The following LXN variants were observed in gnomAD, a reference collection of about 807,000 sequenced individuals.
LXN encodes latexin.
In LXN, 28 loss-of-function variants were observed where a neutral mutation model predicts 29.8. The ratio of observed to expected loss-of-function variants is 0.94; its 90% CI spans 0.70 to 1.29. The LOEUF is 1.29. LXN is among the 50% of genes most tolerant of loss of function. The probability of loss-of-function intolerance (pLI) is 0.00; values close to 1 mark genes in which losing one functional copy is unlikely to be tolerated. For missense variants in LXN, 227 were observed against 261.7 expected (o/e 0.87, Z 0.92); for synonymous variants, 77 against 89.6 (o/e 0.86, Z 0.80).
chr3:158,672,304 C>T (rs778650531), intron 1 of LXN, 46 bp downstream of exon 1: 17 of 1,604,622 alleles, frequency 1.1e-5, no homozygotes, highest in South Asian at 5.5e-5. Flanking sequence ...GTGGAGGGAG[C>T]GCAATCCTGA....
In LXN at chr3:158,672,518, C is replaced by G. The variant is rs779142286; in HGVS notation, c.-40G>C. 3 of 1,611,140 alleles carry G rather than the reference C, an allele frequency of 1.9e-6. No individual in the cohort carries two copies. Among genetic ancestry groups the G allele is most frequent in the Non-Finnish European group, 2.5e-6 (3 of 1,178,364 alleles). On this transcript the variant is annotated 5_prime_UTR_variant, in exon 1 of 6. Transcript: ENST00000264265. ...GACTTCAGGGCTTGGGCTACTCTGG[C>G]TTAACGGGACCAGTAGCAGAGCGCC...
At chr3:158,669,357 C>T (rs1429306474) in intron 3 of LXN, 76 bp downstream of exon 3, 9 of 1,424,700 alleles carry the variant, frequency 6.3e-6, no homozygotes, top group East Asian at 4.6e-5. Context: ...TAGCAACTAA[C>T]AATTTTAAGC....
At chr3:158,669,260 G>T (rs1724030969) in intron 3 of LXN, 128 bp from the exon 4 acceptor site, 2 of 1,221,720 alleles carry the variant, frequency 1.6e-6, no homozygotes, top group Non-Finnish European at 1.1e-6. Context: ...TTAAGCTATG[G>T]ATCTATAAAA....
chr3:158,672,294 G>A, intron 1 of LXN, 56 bp downstream of exon 1: 1 of 1,601,798 alleles, frequency 6.2e-7, no homozygotes, highest in Non-Finnish European at 8.5e-7. Flanking sequence ...CCGCGGGTGA[G>A]TGGAGGGAGC....
chr3:158,669,283 C>T, intron 3 of LXN, 150 bp downstream of exon 3: 1 of 1,200,748 alleles, frequency 8.3e-7, no homozygotes, highest in South Asian at 1.5e-5. Flanking sequence ...TCTGAGGCCT[C>T]TTTTTTGTTG....
chr3:158,669,495 T>A lies in LXN; in HGVS notation c.308A>T (p.Asp103Val). Residue 103 changes from aspartate to valine, a missense_variant, in exon 3 of 6, where the codon GAC becomes GTC. By Grantham distance (152) the Asp-to-Val change is radical (BLOSUM62 -3). Coordinates refer to ENST00000264265, the MANE Select transcript of LXN (RefSeq NM_020169.4). Reference protein sequence around the residue: ...GETGKNPDEEDNTFYQRLKSM... With the variant: ...GETGKNPDEEVNTFYQRLKSM... ...CTTAAGTCTTTGATAAAATGTGTTG[T>A]CTTCTTCATCTGGATTCTTTCCAGT... 6.2e-7 allele frequency: 1 copy of A among 1,614,000 alleles called. No individual in the cohort carries two copies. The highest frequency in any genetic ancestry group is 8.5e-7 in the Non-Finnish European group (1 of 1,179,898).
chr3:158,672,554 C>G lies in LXN; in HGVS notation c.-76G>C. ...CAGTAGCAGAGCGCCGCCCGTCCTG[C>G]TTGCTGCTGGGTCCGGTTGCCGAGG... On this transcript the variant is annotated 5_prime_UTR_variant, in exon 1 of 6. Coordinates refer to ENST00000264265, the MANE Select transcript of LXN (RefSeq NM_020169.4). 2 of 1,579,556 alleles carry G rather than the reference C, an allele frequency of 1.3e-6. No individual in the cohort carries two copies. The highest frequency in any genetic ancestry group is 1.7e-6 in the Non-Finnish European group (2 of 1,157,584).
chr3:158,672,182 C>T (rs1460362969), intron 1 of LXN, among the ~76,000 whole-genome samples, 168 bp downstream of exon 1: 4 of 152,114 alleles, frequency 2.6e-5, no homozygotes, highest in Non-Finnish European at 5.9e-5. Context: ...TATAGACATT[C>T]CCCCAGAAAC....
At chr3:158,667,107 ACTT>A in intron 4 of LXN, 33 bp from the exon 5 acceptor site, 1 of 1,536,266 alleles carries the variant, frequency 6.5e-7, no homozygotes, top group Non-Finnish European at 8.7e-7. Flanking sequence ...GTTGTTTAAA[ACTT>A]AATATCTTTG....
At chr3:158,670,242 AT>A (rs1724146857) in intron 2 of LXN, among the ~76,000 whole-genome samples, 1 of 152,188 alleles carries the variant, frequency 6.6e-6, no homozygotes, top group South Asian at 2.1e-4. Flanking sequence ...AATCTTTAAA[AT>A]TTCCCTTCCC....
At chr3:158,670,883 A>C in intron 2 of LXN, 74 bp downstream of exon 2, 1 of 1,373,766 alleles carries the variant, frequency 7.3e-7, no homozygotes, top group Admixed American at 3.4e-5. Context: ...GCAGTGAGCC[A>C]TGTTCTGCCA....
chr3:158,668,274 T>G (rs1723910112), intron 4 of LXN, among the ~76,000 whole-genome samples: 1 of 152,214 alleles, frequency 6.6e-6, no homozygotes, highest in African/African-American at 2.4e-5. Context: ...AGATTACTTA[T>G]AATACCAAAT....
chr3:158,672,494 A>T lies in LXN; in HGVS notation c.-16T>A, dbSNP rs375616801. 3.7e-6 allele frequency: 6 copies of T among 1,613,308 alleles called. No homozygotes were observed. The highest frequency in any genetic ancestry group is 4.5e-5 in the East Asian group (2 of 44,854). On this transcript the variant is annotated 5_prime_UTR_variant, in exon 1 of 6. Coordinates refer to ENST00000264265, the MANE Select transcript of LXN (RefSeq NM_020169.4). ...GGATTTCCATTCCGGATGAGCAGTG[A>T]CTTCAGGGCTTGGGCTACTCTGGCT...
Position 158,670,219 on chromosome 3 carries a change from G to C in LXN, c.193-609C>G, listed in dbSNP as rs188777814. Among the ~76,000 whole-genome samples the C allele has an allele frequency of 1.1e-3, 167 of 152,278 alleles. 2 individuals carry two copies. The highest frequency in any genetic ancestry group is 0.011 in the Admixed American group (167 of 15,300). Reference sequence around the variant, plus strand: ...TTTAAGTTTGTCTCATTAATAATTTGACAGTTGTGTATAATCTTTAAAATT... The same window carrying C: ...TTTAAGTTTGTCTCATTAATAATTTCACAGTTGTGTATAATCTTTAAAATT... On this transcript the variant is annotated intron_variant, in intron 2 of 5. Coordinates refer to ENST00000264265, the MANE Select transcript of LXN (RefSeq NM_020169.4).
In LXN at chr3:158,672,455, G is replaced by A. The variant is rs751433466; in HGVS notation, c.24C>T (p.Tyr8=). 3.7e-6 allele frequency: 6 copies of A among 1,614,118 alleles called. No individual in the cohort carries two copies. Among genetic ancestry groups the A allele is most frequent in the South Asian group, 3.3e-5 (3 of 91,088 alleles). ...CCACCAAGGCCGCCCTGGAGGCTGG[G>A]TAGTTGGTCGGCGGGATTTCCATTC... is the stretch of plus-strand genomic sequence containing the variant. The part of the protein sequence containing the change: MEIPPTN[Y]PASRAALVAQ... Residue 8 remains tyrosine (Y), a synonymous_variant, in exon 1 of 6, where the codon TAC becomes TAT. Coordinates refer to ENST00000264265, the MANE Select transcript of LXN (RefSeq NM_020169.4).
In LXN at chr3:158,669,667, T is replaced by C. The variant is rs1233771460; in HGVS notation, c.193-57A>G. The C allele has an allele frequency of 1.5e-5, 23 of 1,486,932 alleles. No individual in the cohort carries two copies. The East Asian group carries it at 5.2e-4, about 34-fold the overall frequency. The allele number at this position is 1,486,932 out of a possible 1,614,324, so 92.1% of individuals were successfully genotyped here. A position where few individuals can be genotyped will look rare whatever the true frequency, so the allele number is the denominator to read the frequency against. ...ACAGAAGGCTATTCATTATTAATTA[T>C]CATCTTTGAGATATGATTTAAAGCA... is the stretch of plus-strand genomic sequence containing the variant. On this transcript the variant is annotated intron_variant, in intron 2 of 5. Coordinates refer to ENST00000264265, the MANE Select transcript of LXN (RefSeq NM_020169.4).
rs1339302937 is a variant in LXN at position 158,666,599 on chromosome 3, A to G, written c.*47T>C. The stretch of plus-strand genomic sequence containing the variant: ...TAAGCTAGATGCCAGTGAAATTGGC[A>G]TACACATCAATAGACATGTTTACAC... On this transcript the variant is annotated 3_prime_UTR_variant, in exon 6 of 6. Transcript: ENST00000264265. 3.3e-6 allele frequency: 5 copies of G among 1,522,248 alleles called. No individual in the cohort carries two copies. The highest frequency in any genetic ancestry group is 1.7e-5 in the Admixed American group (1 of 59,022). The allele number at this position is 1,522,248 out of a possible 1,614,324, so 94.3% of individuals were successfully genotyped here.
intron 4 of LXN, 104 bp from the exon 5 acceptor site, chr3:158,667,178 AT>A (rs1723790577): frequency 4.9e-6 from 6 of 1,215,900 alleles, no homozygotes; most frequent in Non-Finnish European, 6.6e-6. Flanking sequence ...TAATATTTCC[AT>A]TTAGGTAAAA....
chr3:158,672,445 T>C lies in LXN; in HGVS notation c.34A>G (p.Arg12Gly), dbSNP rs201539864. The C allele has an allele frequency of 6.2e-7, 1 of 1,614,024 alleles. No homozygotes were observed. The highest frequency in any genetic ancestry group is 2.2e-5 in the East Asian group (1 of 44,862). Residue 12 changes from arginine (R) to glycine (G), a missense_variant, in exon 1 of 6, where the codon AGG becomes GGG. Transcript: ENST00000264265. ...EIPPTNYPAS[R>G]AALVAQNYIN... Reference sequence around the variant, plus strand: ...TAGTTCTGTGCCACCAAGGCCGCCCTGGAGGCTGGGTAGTTGGTCGGCGGG... The same window carrying C: ...TAGTTCTGTGCCACCAAGGCCGCCCCGGAGGCTGGGTAGTTGGTCGGCGGG...
Sources: allele counts gnomAD v4.1 joint callset (sites outside exome capture counted in the v4.1 genomes callset), GRCh38; gene constraint gnomAD v4.1.1; transcripts MANE v1.5; gene names NCBI Gene and HGNC (gene_info 2026-07-23, HGNC 2026-07-21).